The following RNF220 variants were observed in gnomAD, a reference collection of about 807,000 sequenced individuals.
RNF220 encodes the protein E3 ubiquitin-protein ligase RNF220.
RNF220 carries 7 observed loss-of-function variants against 67.1 expected under a neutral mutation model. The observed-to-expected ratio is 0.10, with a 90% CI of 0.06 to 0.20. The LOEUF (loss-of-function observed/expected upper bound fraction) is 0.20. Ranked by LOEUF, RNF220 falls within the 10% of genes least tolerant of loss-of-function variation. The pLI is 1.00. For missense variants in RNF220, 565 were observed against 740.3 expected (o/e 0.76, Z 2.75); for synonymous variants, 270 against 283.2 (o/e 0.95, Z 0.47).
At position 44,649,786 on chromosome 1, in the gene RNF220, C is replaced by G; in HGVS notation, c.1554+17C>G. ...ATCTGCATGGTGAGTAGAAAAGAAC[C>G]TAGGGGTGCCCTTGGTCAGGCTTCC... is the stretch of plus-strand genomic sequence containing the variant. On this transcript the variant is annotated intron_variant, in intron 13 of 14. Transcript: ENST00000361799. The surrounding 1 kb of genome is among the most constrained non-coding windows in gnomAD (Gnocchi z 5.9). The G allele has an allele frequency of 6.2e-7, 1 of 1,613,672 alleles. No homozygotes were observed. Among genetic ancestry groups the G allele is most frequent in the Non-Finnish European group, 8.5e-7 (1 of 1,179,680 alleles).
intron 2 of RNF220, among the ~76,000 whole-genome samples, chr1:44,522,044 G>A (rs1229343387): frequency 5.9e-5 from 9 of 152,176 alleles, no homozygotes; most frequent in African/African-American, 1.2e-4. Flanking sequence ...CAAGATGGCC[G>A]CAACTTTAGG....
At chr1:44,477,828 A>G (rs1430943035) in intron 2 of RNF220, among the ~76,000 whole-genome samples, 1 of 152,212 alleles carries the variant, frequency 6.6e-6, no homozygotes, top group African/African-American at 2.4e-5. Flanking sequence ...GTCAAAAGTC[A>G]AGAAGCAGGT....
At chr1:44,636,250 G>T in intron 8 of RNF220, 88 bp downstream of exon 8, 2 of 1,538,132 alleles carry the variant, frequency 1.3e-6, no homozygotes, top group South Asian at 2.4e-5. Context: ...GGCCGAGGCT[G>T]GTGGCTGGTC....
At position 44,565,050 on chromosome 1, in the gene RNF220, G is replaced by A. The variant is rs1663890888; in HGVS notation, c.626-49115G>A. ...TATCCTTAGCACATAGCATGGGCCT[G>A]GCCTGAATCAACTCCATCCCCTGCG... On this transcript the variant is annotated intron_variant, in intron 2 of 14. Coordinates refer to ENST00000361799, the MANE Select transcript of RNF220 (RefSeq NM_018150.4). This position sits in a 1 kb window ranked among gnomAD's most constrained non-coding sequence, Gnocchi z 4.2. Among the ~76,000 whole-genome samples the A allele has an allele frequency of 6.6e-6, 1 of 151,886 alleles. No individual in the cohort carries two copies. Among genetic ancestry groups the A allele is most frequent in the Non-Finnish European group, 1.5e-5 (1 of 67,974 alleles).
Position 44,405,425 on chromosome 1 carries a change from T to C in RNF220, c.-223T>C. 1.6e-6 allele frequency: 1 copy of C among 629,886 alleles called. No homozygotes were observed. Among genetic ancestry groups the C allele is most frequent in the Non-Finnish European group, 2.9e-6 (1 of 348,538 alleles). The allele number at this position is 629,886 out of a possible 1,614,324, so 39.0% of individuals were successfully genotyped here. On this transcript the variant is annotated 5_prime_UTR_variant, in exon 1 of 15. Transcript: ENST00000361799. ...TGCCGCCGCCGCCGCCGCCGCTGCC[T>C]CCGCCGGCTCTGCGAACCCGGGACT... is the stretch of plus-strand genomic sequence containing the variant.
At position 44,640,489 on chromosome 1, in the gene RNF220, CA is replaced by C. The variant is rs370840682; in HGVS notation, c.1127-4207del. Among the ~76,000 whole-genome samples, 25 of 152,342 alleles carry C rather than the reference CA, an allele frequency of 1.6e-4. No individual in the cohort carries two copies. In the East Asian group the frequency reaches 4.4e-3, roughly 27 times the overall value. ...TGGGATTTAATCGCCTTTTGGAACA[CA>C]ATTGTTAAGCTAGGACAGAGGGAGT... On this transcript the variant is annotated intron_variant, in intron 8 of 14. Coordinates refer to ENST00000361799, the MANE Select transcript of RNF220 (RefSeq NM_018150.4).
At chr1:44,496,410 G>A (rs937327705) in intron 2 of RNF220, among the ~76,000 whole-genome samples, 1 of 152,166 alleles carries the variant, frequency 6.6e-6, no homozygotes, top group African/African-American at 2.4e-5. Context: ...GCATGAGAAT[G>A]AATGAATTCA....
At position 44,614,226 on chromosome 1, in the gene RNF220, C is replaced by T. The variant is rs748073942; in HGVS notation, c.687C>T (p.Val229=). The change falls in exon 3 of 15, where the codon GTC becomes GTT. Residue 229 remains valine, a synonymous_variant. Transcript: ENST00000361799. ...CCCCAATTTGCCCCATCTGCCAGGT[C>T]CTGCTGAGGCCCAGTGAGCTGCAGG... is the stretch of plus-strand genomic sequence containing the variant. ...SQAPICPICQ[V]LLRPSELQEH... The T allele has an allele frequency of 9.3e-6, 15 of 1,614,080 alleles. No individual in the cohort carries two copies. The highest frequency in any genetic ancestry group is 6.7e-5 in the Admixed American group (4 of 60,004).
Position 44,622,193 on chromosome 1 carries a change from T to G in RNF220, c.759-549T>G, listed in dbSNP as rs929351013. 6.6e-6 allele frequency among the ~76,000 whole-genome samples: 1 copy of G among 152,138 alleles called. No individual in the cohort carries two copies. Among genetic ancestry groups the G allele is most frequent in the Non-Finnish European group, 1.5e-5 (1 of 68,016 alleles). ...CTCCCACCCCAGCCCCCGCCTGCTC[T>G]GAGCCGCCCACCATATTTCAGGGCC... On this transcript the variant is annotated intron_variant, in intron 3 of 14. Transcript: ENST00000361799. The surrounding 1 kb of genome is among the most constrained non-coding windows in gnomAD (Gnocchi z 4.3).
At chr1:44,571,555 A>G (rs1664444913) in intron 2 of RNF220, among the ~76,000 whole-genome samples, 1 of 152,240 alleles carries the variant, frequency 6.6e-6, no homozygotes, top group Non-Finnish European at 1.5e-5. Flanking sequence ...CTCCTGGAAC[A>G]TGGTAGGTGC....
At position 44,579,287 on chromosome 1, in the gene RNF220, A is replaced by C. The variant is rs181174627; in HGVS notation, c.626-34878A>C. Reference sequence around the variant, plus strand: ...GCTTAAGTAACTTGACCAAGACCACACAGTCACTGAGCAGTAGGACCAAGA... The same window carrying C: ...GCTTAAGTAACTTGACCAAGACCACCCAGTCACTGAGCAGTAGGACCAAGA... On this transcript the variant is annotated intron_variant, in intron 2 of 14. Transcript: ENST00000361799. 2.6e-5 allele frequency among the ~76,000 whole-genome samples: 4 copies of C among 152,370 alleles called. No individual in the cohort carries two copies. In the East Asian group the frequency reaches 7.7e-4, roughly 29 times the overall value.
At chr1:44,585,286 G>A (rs272529) in intron 2 of RNF220, among the ~76,000 whole-genome samples, 28,090 of 151,990 alleles carry the variant, frequency 0.18, 3,376 homozygotes, top group East Asian at 0.38. Flanking sequence ...CCTCATGTCC[G>A]TCTGAAGCCT....
At chr1:44,456,750 T>G (rs573384227) in intron 2 of RNF220, among the ~76,000 whole-genome samples, 1 of 152,312 alleles carries the variant, frequency 6.6e-6, no homozygotes, top group South Asian at 2.1e-4. Flanking sequence ...GGCTCCCTTT[T>G]GCTTTTCTGA....
chr1:44,552,428 C>G (rs1457913231), intron 2 of RNF220, among the ~76,000 whole-genome samples: 1 of 151,700 alleles, frequency 6.6e-6, no homozygotes, highest in Non-Finnish European at 1.5e-5. Context: ...CCTCGGAGGT[C>G]AAGTCTGCAG....
At chr1:44,520,316 A>T (rs1260678529) in intron 2 of RNF220, among the ~76,000 whole-genome samples, 1 of 152,010 alleles carries the variant, frequency 6.6e-6, no homozygotes, top group Non-Finnish European at 1.5e-5. Context: ...ACAAAAAAAA[A>T]TTAGCTGGGC....
Position 44,626,275 on chromosome 1 carries a change from CAT to C in RNF220, c.805-21_805-20del, listed in dbSNP as rs778526101. ...GTAGGTCTCATTTGGCCTGAGGCCA[CAT>C]GTCTTTTTTCTTCTTCCAGTCCCTC... On this transcript the variant is annotated intron_variant, in intron 4 of 14. Transcript: ENST00000361799. 25 of 1,595,116 alleles carry C rather than the reference CAT, an allele frequency of 1.6e-5. No individual in the cohort carries two copies. The highest frequency in any genetic ancestry group is 2.2e-5 in the East Asian group (1 of 44,802).
chr1:44,531,557 G>A (rs1329909121), intron 2 of RNF220, among the ~76,000 whole-genome samples: 3 of 152,178 alleles, frequency 2.0e-5, no homozygotes, highest in African/African-American at 7.2e-5. Context: ...TATTTTCTCA[G>A]CAGCTAGCAC....
intron 2 of RNF220, among the ~76,000 whole-genome samples, chr1:44,514,907 A>G (rs1659334185): frequency 6.6e-6 from 1 of 152,166 alleles, no homozygotes; most frequent in Admixed American, 6.5e-5. Context: ...CACGTCCAGC[A>G]GGGCAGGTAG....
chr1:44,478,542 T>G (rs1655496528), intron 2 of RNF220, among the ~76,000 whole-genome samples: 1 of 151,694 alleles, frequency 6.6e-6, no homozygotes, highest in Non-Finnish European at 1.5e-5. Flanking sequence ...GCCAACATGG[T>G]GAAAGCCCGT....
Sources: allele counts gnomAD v4.1 joint callset (sites outside exome capture counted in the v4.1 genomes callset), GRCh38; gene constraint gnomAD v4.1.1; non-coding constraint Gnocchi (gnomAD v3.1); transcripts MANE v1.5; gene names NCBI Gene and HGNC (gene_info 2026-07-23, HGNC 2026-07-21).